PHF24: variants seen among roughly 807,000 people sequenced by gnomAD.
PHF24 encodes the protein Galpha inhibitory interacting protein.
A neutral mutation model predicts 42.6 loss-of-function variants in PHF24; 25 were observed. The ratio of observed to expected loss-of-function variants is 0.59; its 90% CI spans 0.43 to 0.82. The LOEUF is 0.82. PHF24 is among the 40% of genes least tolerant of loss of function. PHF24 has a pLI of 0.00. For synonymous variants in PHF24, 185 were observed against 204.8 expected (o/e 0.90, Z 0.83); for missense variants, 470 against 538.1 (o/e 0.87, Z 1.25).
the PHF24 span, among the ~76,000 whole-genome samples, chr9:34,939,557 G>A: frequency 6.6e-6 from 1 of 152,156 alleles, no homozygotes; most frequent in African/African-American, 2.4e-5. Flanking sequence ...TCTGTCAGAG[G>A]AGTCCTATGT....
chr9:34,803,582 T>C, the PHF24 span, among the ~76,000 whole-genome samples: 6 of 152,140 alleles, frequency 3.9e-5, no homozygotes, highest in Non-Finnish European at 7.3e-5. Flanking sequence ...GAAGCATAAA[T>C]GGTTCTGCTA....
chr9:34,709,675 G>A, the PHF24 span: 4 of 1,613,768 alleles, frequency 2.5e-6, no homozygotes, highest in East Asian at 2.2e-5. Flanking sequence ...CGCTTGCGGG[G>A]CAAGAACCTG....
the PHF24 span, among the ~76,000 whole-genome samples, chr9:34,718,988 AC>A: frequency 6.6e-6 from 1 of 152,192 alleles, no homozygotes; most frequent in African/African-American, 2.4e-5. Flanking sequence ...CCAAGCAAGC[AC>A]TGATGTATTC....
At chr9:34,898,527 A>G in the PHF24 span, among the ~76,000 whole-genome samples, 7 of 152,226 alleles carry the variant, frequency 4.6e-5, no homozygotes, top group African/African-American at 1.2e-4. Context: ...GAGCTATTTC[A>G]TCATCTGCCC....
the PHF24 span, chr9:34,833,018 C>G: frequency 6.4e-7 from 1 of 1,551,580 alleles, no homozygotes; most frequent in South Asian, 1.2e-5. Context: ...TCGCCAGGAC[C>G]CTCGGGGTGT....
At chr9:34,797,868 AC>A in the PHF24 span, among the ~76,000 whole-genome samples, 3 of 150,174 alleles carry the variant, frequency 2.0e-5, no homozygotes, top group Non-Finnish European at 4.4e-5. Context: ...GCCCTCCTCT[AC>A]CCAGCACTTC....
chr9:34,713,554 C>T, the PHF24 span, among the ~76,000 whole-genome samples: 4 of 152,108 alleles, frequency 2.6e-5, no homozygotes, highest in Non-Finnish European at 5.9e-5. Context: ...CTGAAAGAGT[C>T]GATTCCAATT....
chr9:34,766,979 T>A, the PHF24 span, among the ~76,000 whole-genome samples: 1 of 152,216 alleles, frequency 6.6e-6, no homozygotes, highest in Non-Finnish European at 1.5e-5. Context: ...CAGACCCTGT[T>A]TGCCTGTGTA....
chr9:34,911,895 T>C, the PHF24 span, among the ~76,000 whole-genome samples: 2 of 151,926 alleles, frequency 1.3e-5, no homozygotes, highest in Admixed American at 6.6e-5. Context: ...AGGCAGTGAG[T>C]TTCCTGGGTT....
chr9:34,881,277 C>T, the PHF24 span, among the ~76,000 whole-genome samples: 1 of 152,130 alleles, frequency 6.6e-6, no homozygotes, highest in Non-Finnish European at 1.5e-5. Flanking sequence ...AAAACTGACA[C>T]CCTAACATCA....
At chr9:34,838,291 C>A in the PHF24 span, 1 of 707,456 alleles carries the variant, frequency 1.4e-6, no homozygotes, top group South Asian at 1.5e-5. Context: ...GACTCTGGAG[C>A]TTAAAAGCAT....
the PHF24 span, among the ~76,000 whole-genome samples, chr9:34,926,877 G>T: frequency 6.6e-6 from 1 of 152,194 alleles, no homozygotes; most frequent in African/African-American, 2.4e-5. The surrounding 1 kb of genome is among the most constrained non-coding windows in gnomAD (Gnocchi z 4.3). Context: ...AGTCCTGGAT[G>T]TGGGCTCTTG....
chr9:34,689,588 C>A, the PHF24 span: 1 of 548,648 alleles, frequency 1.8e-6, no homozygotes, highest in Admixed American at 3.3e-5. The surrounding 1 kb of genome is among the most constrained non-coding windows in gnomAD (Gnocchi z 4.1). Context: ...AAACACCAGG[C>A]GGCTTTATTG....
At chr9:34,800,614 T>C in the PHF24 span, among the ~76,000 whole-genome samples, 1 of 152,120 alleles carries the variant, frequency 6.6e-6, no homozygotes, top group Admixed American at 6.5e-5. Context: ...TGGCTAGCCA[T>C]ATGCAGAAAA....
At chr9:34,922,759 G>T in the PHF24 span, 2 of 1,591,342 alleles carry the variant, frequency 1.3e-6, no homozygotes. Flanking sequence ...GATGACCTAC[G>T]GGCTCCTACA....
chr9:34,952,984 T>C (rs1050649130), upstream of PHF24, among the ~76,000 whole-genome samples: 1 of 152,190 alleles, frequency 6.6e-6, no homozygotes, highest in Non-Finnish European at 1.5e-5. Flanking sequence ...AAATAGATCA[T>C]AAACCTAAGT....
chr9:34,893,034 G>T, the PHF24 span: 2 of 952,348 alleles, frequency 2.1e-6, no homozygotes, highest in East Asian at 2.6e-5. Context: ...AGGGAGATCT[G>T]GTTGTTCTCA....
chr9:34,899,386 G>A, the PHF24 span, among the ~76,000 whole-genome samples: 4 of 152,150 alleles, frequency 2.6e-5, no homozygotes, highest in Non-Finnish European at 5.9e-5. Context: ...CAATTCATAC[G>A]TACCCATGAG....
At chr9:34,914,455 C>T in the PHF24 span, among the ~76,000 whole-genome samples, 7 of 152,064 alleles carry the variant, frequency 4.6e-5, no homozygotes, top group Admixed American at 4.6e-4. Flanking sequence ...CAATAAAAGT[C>T]TTTTATTCCT....
Sources: allele counts gnomAD v4.1 joint callset (sites outside exome capture counted in the v4.1 genomes callset), GRCh38; gene constraint gnomAD v4.1.1; non-coding constraint Gnocchi (gnomAD v3.1); transcripts MANE v1.5; gene names NCBI Gene and HGNC (gene_info 2026-07-23, HGNC 2026-07-21).